Variants in PPEF1 observed in about 807,000 individuals in gnomAD.
The protein encoded by PPEF1 is protein phosphatase with EF-hand domain 1, also known as serine/threonine-protein phosphatase with EF-hands 1.
A neutral mutation model predicts 53.3 loss-of-function variants in PPEF1; 12 were observed. The ratio of observed to expected loss-of-function variants is 0.23; its 90% confidence interval spans 0.14 to 0.36. The LOEUF (loss-of-function observed/expected upper bound fraction) is 0.36. Among genes scored for constraint, PPEF1 ranks in the 10% least tolerant of loss-of-function variants. The pLI, the probability that PPEF1 is intolerant of heterozygous loss-of-function variation, is 1.00. For missense variants in PPEF1, 334 were observed against 490.4 expected (o/e 0.68, Z 3.01); for synonymous variants, 165 against 176.7 (o/e 0.93, Z 0.52).
At chrX:18,687,074 G>A (rs1317650373) in intron 3 of PPEF1, among the ~76,000 whole-genome samples, 1 of 111,526 alleles carries the variant, frequency 9.0e-6, no homozygotes, top group East Asian at 2.8e-4. Flanking sequence ...GCAGAATAGG[G>A]GGAAGGACAA....
intron 7 of PPEF1, among the ~76,000 whole-genome samples, chrX:18,779,710 G>A (rs949404198): frequency 1.4e-4 from 16 of 112,555 alleles, no homozygotes; most frequent in African/African-American, 4.5e-4. Flanking sequence ...ATAAAGATTG[G>A]TTAGATGGTT....
At chrX:18,811,617 T>TA (rs2046812141) in intron 12 of PPEF1, among the ~76,000 whole-genome samples, 3 of 13,267 alleles carry the variant, frequency 2.3e-4, no homozygotes, top group Admixed American at 6.4e-4. Flanking sequence ...ATATATATAT[T>TA]TTTTTTTTTT....
intron 9 of PPEF1, among the ~76,000 whole-genome samples, chrX:18,788,253 C>G (rs1035491632): frequency 1.1e-5 from 1 of 91,239 alleles, no homozygotes; most frequent in Non-Finnish European, 2.1e-5. Flanking sequence ...TGCAGTGAGC[C>G]GAGATCGCGC....
chrX:18,817,594 C>T (rs1482934778), intron 12 of PPEF1, among the ~76,000 whole-genome samples: 1 of 111,283 alleles, frequency 9.0e-6, no homozygotes, highest in East Asian at 2.8e-4. Flanking sequence ...CCCGCCTCGG[C>T]CTCCCAAAGT....
intron 2 of PPEF1, among the ~76,000 whole-genome samples, chrX:18,733,003 A>C (rs1055753536): frequency 1.8e-5 from 2 of 111,845 alleles, no homozygotes; most frequent in Non-Finnish European, 3.8e-5. Flanking sequence ...CAGGAGTTTG[A>C]GACCTGCCTG....
At chrX:18,744,241 C>T (rs1412619694) in intron 3 of PPEF1, among the ~76,000 whole-genome samples, 2 of 111,830 alleles carry the variant, frequency 1.8e-5, no homozygotes, top group African/African-American at 3.2e-5. Context: ...TTCCAGATAT[C>T]GGGGCCACCA....
chrX:18,686,430 A>G (rs1929080802), intron 3 of PPEF1, among the ~76,000 whole-genome samples: 1 of 111,319 alleles, frequency 9.0e-6, no homozygotes, highest in Non-Finnish European at 1.9e-5. Context: ...TTCACTCATA[A>G]TATCTTTCTT....
rs2046364575 is a variant in PPEF1, at chrX:18,793,662, A to G, written c.1065+4389A>G. Among the ~76,000 whole-genome samples the G allele has an allele frequency of 4.5e-5, 5 of 110,470 alleles. No homozygotes were observed. In the South Asian group the frequency reaches 1.9e-3, roughly 43 times the overall value. On this transcript the variant is annotated intron_variant, in intron 10 of 15. Coordinates refer to ENST00000470157, the MANE Select transcript of PPEF1 (RefSeq NM_001377996.1). ...GTCGACGTCTAGTCCCTTCAAAAGC[A>G]GTTTTTATTGCCTGCTTCCCCCCTC...
At chrX:18,741,413 T>A (rs1243119391) in intron 3 of PPEF1, among the ~76,000 whole-genome samples, 1 of 112,188 alleles carries the variant, frequency 8.9e-6, no homozygotes, top group African/African-American at 3.2e-5. Flanking sequence ...ATCTGCATTT[T>A]AAAAAATTCC....
rs2045577872 is a variant in PPEF1 at position 18,757,724 on chromosome X, A to C, written c.494A>C (p.Lys165Thr). 4 of 1,201,350 alleles carry C rather than the reference A, an allele frequency of 3.3e-6. No individual in the cohort carries two copies. The South Asian group carries it at 7.1e-5, about 21-fold the overall frequency. ...NFTHIQTSPSKEVTICGDLHG... is the reference protein window; with the variant it reads ...NFTHIQTSPSTEVTICGDLHG... ...ACTCACATACAAACTTCTCCCTCCA[A>C]AGAGGTAACAATCTGTGGTAAGTTT... The change falls in exon 5 of 16, where the codon AAA (lysine) becomes ACA (threonine). Residue 165 changes from lysine to threonine, a missense_variant. Transcript: ENST00000470157.
upstream of PPEF1, among the ~76,000 whole-genome samples, chrX:18,682,928 C>T (rs747932768): frequency 9.0e-6 from 1 of 111,535 alleles, no homozygotes; most frequent in East Asian, 2.8e-4. Context: ...ACTCACAGTT[C>T]CAGTGGCTGA....
intron 10 of PPEF1, among the ~76,000 whole-genome samples, chrX:18,795,900 A>G (rs2046421652): frequency 8.9e-6 from 1 of 112,114 alleles, no homozygotes; most frequent in Non-Finnish European, 1.9e-5. Flanking sequence ...AGGTCATACC[A>G]TGTCTCTCAC....
In PPEF1 at chrX:18,694,218, T is replaced by C. The variant is rs1353649108; in HGVS notation, c.-313+3124T>C. 3.6e-5 allele frequency among the ~76,000 whole-genome samples: 4 copies of C among 111,959 alleles called. No individual in the cohort carries two copies. The Admixed American group carries it at 3.8e-4, about 11-fold the overall frequency. The stretch of plus-strand genomic sequence containing the variant: ...GACACTCACGGAAGGACATTTAAGC[T>C]GTTTTCAATGTTTGACCGTATGAAC... On this transcript the variant is annotated intron_variant, in intron 4 of 21. Coordinates refer to the PPEF1 transcript ENST00000361511.
intron 2 of PPEF1, among the ~76,000 whole-genome samples, chrX:18,685,541 C>T (rs1444671037): frequency 9.1e-6 from 1 of 110,129 alleles, no homozygotes; most frequent in Non-Finnish European, 1.9e-5. Flanking sequence ...AAAAATTAGC[C>T]GGCCGCGGTG....
At chrX:18,757,583 C>T (rs748842836) in intron 4 of PPEF1, 44 bp from the exon 5 acceptor site, 1 of 1,012,710 alleles carries the variant, frequency 9.9e-7, no homozygotes, top group Non-Finnish European at 1.4e-6. Context: ...TCATGTCTTT[C>T]TTCCTTGTTC....
At chrX:18,688,916 T>C (rs1444827264) in intron 3 of PPEF1, 1 of 111,395 alleles carries the variant, frequency 9.0e-6, no homozygotes, top group Non-Finnish European at 1.9e-5. Flanking sequence ...CTGGGATCAG[T>C]AGAAAGGAGA....
chrX:18,802,853 C>CAA (rs67428456), intron 10 of PPEF1, among the ~76,000 whole-genome samples: 2 of 107,125 alleles, frequency 1.9e-5, no homozygotes, highest in African/African-American at 6.8e-5. Context: ...GCCAAAAAAA[C>CAA]AAAAAAAAAA....
intron 1 of PPEF1, among the ~76,000 whole-genome samples, chrX:18,728,125 C>T: frequency 9.0e-6 from 1 of 110,717 alleles, no homozygotes; most frequent in East Asian, 2.9e-4. Context: ...GACATCACAA[C>T]AAAAGACTGT....
intron 6 of PPEF1, among the ~76,000 whole-genome samples, chrX:18,765,481 G>A (rs5955642): frequency 0.44 from 48,510 of 110,149 alleles, 8,244 homozygotes; most frequent in Non-Finnish European, 0.54. Flanking sequence ...ACAAAAATTG[G>A]ATAACTATGT....
Sources: allele counts gnomAD v4.1 joint callset (sites outside exome capture counted in the v4.1 genomes callset), GRCh38; gene constraint gnomAD v4.1.1; transcripts MANE v1.5; gene names NCBI Gene and HGNC (gene_info 2026-07-23, HGNC 2026-07-21).